The following SLC22A4 variants were observed in gnomAD, a reference collection of about 807,000 sequenced individuals.
SLC22A4 encodes solute carrier family 22 member 4, also known as ET transporter.
A neutral mutation model predicts 56.6 loss-of-function variants in SLC22A4; 39 were observed. The observed-to-expected ratio is 0.69, with a 90% CI of 0.53 to 0.90. The LOEUF (loss-of-function observed/expected upper bound fraction) is 0.90, where lower values mean the gene tolerates loss of function less well. Ranked by LOEUF, SLC22A4 falls within the 40% of genes least tolerant of loss-of-function variation. The probability of loss-of-function intolerance (pLI) is 0.00; values close to 1 mark genes in which losing one functional copy is unlikely to be tolerated. For synonymous variants in SLC22A4, 241 were observed against 281.4 expected (o/e 0.86, Z 1.44); for missense variants, 594 against 696.5 (o/e 0.85, Z 1.66).
At chr5:132,320,090 A>G (rs1406968146) in intron 3 of SLC22A4, among the ~76,000 whole-genome samples, 1 of 152,244 alleles carries the variant, frequency 6.6e-6, no homozygotes, top group African/African-American at 2.4e-5. Context: ...TGTACCATCC[A>G]TGCTGTCCAC....
chr5:132,331,886 G>GCA (rs1750869088), intron 6 of SLC22A4, 36 bp downstream of exon 6: 1 of 1,305,598 alleles, frequency 7.7e-7, no homozygotes. Flanking sequence ...CAGATATCCA[G>GCA]CACATAAGTA....
intron 1 of SLC22A4, among the ~76,000 whole-genome samples, chr5:132,307,947 A>G (rs559399479): frequency 3.7e-4 from 57 of 152,322 alleles, no homozygotes; most frequent in African/African-American, 1.4e-3. Flanking sequence ...GCAATGCGTG[A>G]TACTCCTCAG....
intron 3 of SLC22A4, among the ~76,000 whole-genome samples, chr5:132,318,002 G>C (rs1750411892): frequency 6.6e-6 from 1 of 152,252 alleles, no homozygotes; most frequent in Non-Finnish European, 1.5e-5. Flanking sequence ...TCACTGCCTG[G>C]TTGTGCCTCT....
intron 8 of SLC22A4, 24 bp from the exon 9 acceptor site, chr5:132,340,541 G>A (rs752834181): frequency 2.5e-6 from 4 of 1,612,890 alleles, no homozygotes. Flanking sequence ...TCTGATTGAT[G>A]TTCTTATGTC....
At chr5:132,309,341 G>A (rs1384811488) in intron 1 of SLC22A4, among the ~76,000 whole-genome samples, 1 of 152,246 alleles carries the variant, frequency 6.6e-6, no homozygotes, top group Admixed American at 6.5e-5. Context: ...CAGTCTAGCT[G>A]CCTTCCCCTG....
In SLC22A4 at chr5:132,294,817, CCCGCTGCGGCTGCGG is replaced by C. The variant is rs1444060669; in HGVS notation, c.202_216del (p.Pro68_Arg72del). ...GCAGCGCCTGGCGCAACAACAGTGT[CCCGCTGCGGCTGCGG>C]GACGGCCGCGAGGTGCCCCACAGCT... is the stretch of plus-strand genomic sequence containing the variant. On this transcript the variant is annotated inframe_deletion, in exon 1 of 10. Coordinates refer to ENST00000200652, the MANE Select transcript of SLC22A4 (RefSeq NM_003059.3). This position sits in a 1 kb window ranked among gnomAD's most constrained non-coding sequence, Gnocchi z 5.6. 1 of 1,611,826 alleles carries C rather than the reference CCCGCTGCGGCTGCGG, an allele frequency of 6.2e-7. No homozygotes were observed. Among genetic ancestry groups the C allele is most frequent in the Admixed American group, 1.7e-5 (1 of 59,944 alleles).
intron 8 of SLC22A4, among the ~76,000 whole-genome samples, chr5:132,337,897 G>A (rs55844558): frequency 6.4e-4 from 68 of 105,876 alleles, no homozygotes; most frequent in African/African-American, 2.5e-3. Flanking sequence ...CACCATGTCC[G>A]GCTAATTTTT....
At chr5:132,298,482 T>C (rs1008017705) in intron 1 of SLC22A4, among the ~76,000 whole-genome samples, 1 of 151,764 alleles carries the variant, frequency 6.6e-6, no homozygotes, top group Admixed American at 6.6e-5. Context: ...AGGGAGTCGT[T>C]GTTTCATGGG....
At position 132,327,412 on chromosome 5, in the gene SLC22A4, T is replaced by C; in HGVS notation, c.951+9T>C. ...TATTTGATTCTGTGGAGGTAAGCATTTGCAGATGTTTCCTCTTGAGATCAG... is the reference window on the plus strand; with the variant it reads ...TATTTGATTCTGTGGAGGTAAGCATCTGCAGATGTTTCCTCTTGAGATCAG... On this transcript the variant is annotated intron_variant, in intron 5 of 9. Transcript: ENST00000200652. 6.2e-7 allele frequency: 1 copy of C among 1,610,800 alleles called. No homozygotes were observed. The highest frequency in any genetic ancestry group is 1.1e-5 in the South Asian group (1 of 91,022).
At chr5:132,301,562 A>G (rs1326854176) in intron 1 of SLC22A4, among the ~76,000 whole-genome samples, 1 of 152,218 alleles carries the variant, frequency 6.6e-6, no homozygotes, top group African/African-American at 2.4e-5. Context: ...CCTGAACAGC[A>G]GTAGGACTTA....
intron 2 of SLC22A4, 78 bp downstream of exon 2, chr5:132,312,342 A>G (rs1750206604): frequency 4.2e-6 from 4 of 945,510 alleles, no homozygotes; most frequent in Non-Finnish European, 5.3e-6. Flanking sequence ...GACTGAATTC[A>G]GGGTATTTCT....
Position 132,312,148 on chromosome 5 carries a change from T to C in SLC22A4, c.394-13T>C. On this transcript the variant is annotated splice_polypyrimidine_tract_variant and intron_variant, in intron 1 of 9. Transcript: ENST00000200652. ...AGGGTTGGGCTCACGCTTCATGCTG[T>C]CTTCCTTGGCAGTGGAATCTGGTGT... 6.4e-7 allele frequency: 1 copy of C among 1,555,504 alleles called. No individual in the cohort carries two copies. Among genetic ancestry groups the C allele is most frequent in the African/African-American group, 1.4e-5 (1 of 73,940 alleles).
chr5:132,295,283 C>A (rs1749755766), intron 1 of SLC22A4: 1 of 670,462 alleles, frequency 1.5e-6, no homozygotes, highest in Non-Finnish European at 2.8e-6. Context: ...AATGAAGTTT[C>A]CTAAGAACCT....
intron 6 of SLC22A4, among the ~76,000 whole-genome samples, 157 bp downstream of exon 6, chr5:132,332,007 C>A (rs1750871688): frequency 6.6e-6 from 1 of 152,126 alleles, no homozygotes; most frequent in Non-Finnish European, 1.5e-5. Context: ...CTATTCAGTT[C>A]ATGGGACTAG....
At chr5:132,337,478 G>A (rs1580848523) in intron 8 of SLC22A4, among the ~76,000 whole-genome samples, 1 of 150,802 alleles carries the variant, frequency 6.6e-6, no homozygotes, top group East Asian at 1.9e-4. Flanking sequence ...GATTTTGCCA[G>A]TTTGCCCAGG....
At position 132,327,599 on chromosome 5, in the gene SLC22A4, A is replaced by G. The variant is rs149539919; in HGVS notation, c.951+196A>G. Among the ~76,000 whole-genome samples the G allele has an allele frequency of 3.4e-3, 511 of 152,368 alleles. 4 individuals are homozygous for G. The highest frequency in any genetic ancestry group is 0.012 in the African/African-American group (487 of 41,586). ...TTATAAGAATTAAATGCAATAATAT[A>G]TGTAAACTGCTTAGCAAATAGCAAG... On this transcript the variant is annotated intron_variant, in intron 5 of 9. Transcript: ENST00000200652.
At chr5:132,316,256 T>C (rs1343205981) in intron 3 of SLC22A4, among the ~76,000 whole-genome samples, 1 of 152,162 alleles carries the variant, frequency 6.6e-6, no homozygotes, top group Non-Finnish European at 1.5e-5. Context: ...TGATCAAGGC[T>C]GCCACAGTCG....
chr5:132,308,878 C>T (rs768257130), intron 1 of SLC22A4, among the ~76,000 whole-genome samples: 2 of 152,206 alleles, frequency 1.3e-5, no homozygotes, highest in African/African-American at 2.4e-5. Flanking sequence ...AAAGCAATGC[C>T]AGCCAGCTCC....
chr5:132,327,043 G>A (rs188395362), intron 4 of SLC22A4, among the ~76,000 whole-genome samples: 224 of 152,322 alleles, frequency 1.5e-3, no homozygotes, highest in African/African-American at 5.1e-3. Context: ...ACCCCTTATG[G>A]TCTGGTCCTG....
Sources: allele counts gnomAD v4.1 joint callset (sites outside exome capture counted in the v4.1 genomes callset), GRCh38; gene constraint gnomAD v4.1.1; non-coding constraint Gnocchi (gnomAD v3.1); transcripts MANE v1.5; gene names NCBI Gene and HGNC (gene_info 2026-07-23, HGNC 2026-07-21).